Variants in SOS1 observed in about 807,000 individuals in gnomAD.
The protein encoded by SOS1 is son of sevenless homolog 1.
Under a neutral mutation model 157.6 loss-of-function variants are expected in SOS1, and 25 were observed. That is an observed-to-expected ratio of 0.16 (90% CI 0.12 to 0.22). The LOEUF is 0.22. Ranked by LOEUF, SOS1 falls within the 10% of genes least tolerant of loss-of-function variation. The pLI is 1.00. For synonymous variants in SOS1, 528 were observed against 534.0 expected, an observed-to-expected ratio of 0.99 and a Z score of 0.16; for missense variants, 1,237 against 1,599.1, an observed-to-expected ratio of 0.77 and a Z score of 3.86.
upstream of SOS1, among the ~76,000 whole-genome samples, chr2:39,121,383 C>G (rs1673890273): frequency 6.6e-6 from 1 of 152,196 alleles, no homozygotes; most frequent in South Asian, 2.1e-4. Flanking sequence ...AAGATAAGGA[C>G]TGCCCAGAGC....
chr2:39,080,117 A>C (rs1302428798), intron 1 of SOS1, among the ~76,000 whole-genome samples: 1 of 151,996 alleles, frequency 6.6e-6, no homozygotes, highest in Admixed American at 6.6e-5. Flanking sequence ...ATAATTATAC[A>C]ACTCACCATA....
chr2:39,027,616 T>A (rs972862761), intron 8 of SOS1, among the ~76,000 whole-genome samples: 1 of 152,232 alleles, frequency 6.6e-6, no homozygotes, highest in Non-Finnish European at 1.5e-5. Context: ...GCAATTAGTA[T>A]GTAAATGAGA....
intron 1 of SOS1, among the ~76,000 whole-genome samples, chr2:39,090,153 A>C (rs1343742704): frequency 2.0e-5 from 3 of 151,940 alleles, no homozygotes; most frequent in East Asian, 1.9e-4. Flanking sequence ...AAAAAAAAAA[A>C]AAAACACTCT....
chr2:38,992,113 TTC>T (rs1668752600), intron 20 of SOS1, among the ~76,000 whole-genome samples: 2 of 152,190 alleles, frequency 1.3e-5, no homozygotes, highest in African/African-American at 4.8e-5. Context: ...GAAATAGGTA[TTC>T]ACTCTGGTGG....
rs964147072 is a variant in SOS1, at chr2:38,983,620, G to A, written c.*2204C>T. 2 of 152,158 alleles carry A rather than the reference G, an allele frequency of 1.3e-5. No individual in the cohort carries two copies. The highest frequency in any genetic ancestry group is 6.6e-5 in the Admixed American group (1 of 15,264). The allele number at this position is 152,158 out of a possible 1,614,324, so 9.4% of individuals were successfully genotyped here. A position where few individuals can be genotyped will look rare whatever the true frequency, so the allele number is the denominator to read the frequency against. The stretch of plus-strand genomic sequence containing the variant: ...ATTAGCCGAAGACATACTGAAGGGG[G>A]TCCAATGTGACTTTTACCAGGTTCT... On this transcript the variant is annotated 3_prime_UTR_variant, in exon 23 of 23. Coordinates refer to ENST00000402219, the MANE Select transcript of SOS1 (RefSeq NM_005633.4).
At chr2:39,016,560 A>C (rs1446182842) in intron 10 of SOS1, among the ~76,000 whole-genome samples, 1 of 152,076 alleles carries the variant, frequency 6.6e-6, no homozygotes, top group Non-Finnish European at 1.5e-5. Context: ...ATCTATTTGT[A>C]AGGTGAGGCT....
chr2:39,112,117 T>C (rs546909412), intron 1 of SOS1, among the ~76,000 whole-genome samples: 1 of 152,070 alleles, frequency 6.6e-6, no homozygotes, highest in Non-Finnish European at 1.5e-5. Context: ...TAATTTTTCT[T>C]CCAATCCATT....
chr2:39,061,819 A>G (rs745707161), intron 2 of SOS1, among the ~76,000 whole-genome samples: 2 of 152,218 alleles, frequency 1.3e-5, no homozygotes, highest in Admixed American at 1.3e-4. Flanking sequence ...ATCTTGATTA[A>G]TATCTAGTAC....
In SOS1 at chr2:38,985,416, G is replaced by A. The variant is rs1572795423; in HGVS notation, c.*408C>T. ...AACAAAGGAAGATATTAAGATCCCT[G>A]TTTAAGTTTTTTTTTTTAAAAGTGC... is the stretch of plus-strand genomic sequence containing the variant. On this transcript the variant is annotated 3_prime_UTR_variant, in exon 23 of 23. Coordinates refer to ENST00000402219, the MANE Select transcript of SOS1 (RefSeq NM_005633.4). The A allele has an allele frequency of 1.4e-5, 1 of 71,650 alleles. No homozygotes were observed. Among genetic ancestry groups the A allele is most frequent in the East Asian group, 1.9e-4 (1 of 5,202 alleles). 4.4% of individuals were successfully genotyped at this position (71,650 alleles called of 1,614,324 possible). A position where few individuals can be genotyped will look rare whatever the true frequency, so the allele number is the denominator to read the frequency against.
chr2:39,114,389 T>C (rs907585612), intron 1 of SOS1, among the ~76,000 whole-genome samples: 1 of 151,870 alleles, frequency 6.6e-6, no homozygotes, highest in African/African-American at 2.4e-5. Flanking sequence ...CCATAACCTC[T>C]GCCTCCTGGG....
chr2:39,037,905 GACC>G (rs1487800370), intron 6 of SOS1, among the ~76,000 whole-genome samples: 2 of 151,222 alleles, frequency 1.3e-5, no homozygotes, highest in Non-Finnish European at 2.9e-5. Flanking sequence ...CCACTATTGA[GACC>G]AACAGCTCAG....
At chr2:39,093,703 A>G (rs1233596675) in intron 1 of SOS1, among the ~76,000 whole-genome samples, 2 of 152,214 alleles carry the variant, frequency 1.3e-5, no homozygotes, top group Admixed American at 1.3e-4. Flanking sequence ...AGAGCTGGAG[A>G]TGAGATCAGA....
intron 5 of SOS1, 72 bp from the exon 6 acceptor site, chr2:39,051,359 A>C: frequency 1.4e-6 from 2 of 1,389,720 alleles, no homozygotes; most frequent in Non-Finnish European, 2.0e-6. Context: ...TGAGCCAATA[A>C]GTCATTTTAT....
chr2:39,023,936 G>C (rs1470402187), intron 9 of SOS1, 74 bp downstream of exon 9: 1 of 1,029,710 alleles, frequency 9.7e-7, no homozygotes. Flanking sequence ...TACTTGAGGA[G>C]GGAACTGGGA....
At chr2:39,113,351 T>C (rs1001063241) in intron 1 of SOS1, among the ~76,000 whole-genome samples, 3 of 150,308 alleles carry the variant, frequency 2.0e-5, no homozygotes, top group African/African-American at 7.3e-5. Flanking sequence ...CCACCATACC[T>C]GTCTTCTTTT....
upstream of SOS1, among the ~76,000 whole-genome samples, chr2:39,123,814 G>A (rs1673980104): frequency 6.6e-6 from 1 of 152,204 alleles, no homozygotes; most frequent in African/African-American, 2.4e-5. Context: ...GTTGTTTCCA[G>A]AAAACGGGCG....
chr2:39,068,795 T>C (rs1377376383), intron 1 of SOS1, among the ~76,000 whole-genome samples: 1 of 152,176 alleles, frequency 6.6e-6, no homozygotes. Context: ...TCTGTAAAGC[T>C]TGCATGTTAA....
chr2:38,993,876 G>A (rs781512662), intron 20 of SOS1: 7 of 152,226 alleles, frequency 4.6e-5, no homozygotes, highest in Non-Finnish European at 8.8e-5. Context: ...AAATGGTCAT[G>A]AAAGAGTTAA....
rs1250543199 is a variant in SOS1 at position 39,012,283 on chromosome 2, C to T, written c.2233G>A (p.Asp745Asn). 2 of 1,613,486 alleles carry T rather than the reference C, an allele frequency of 1.2e-6. No homozygotes were observed. The highest frequency in any genetic ancestry group is 2.2e-5 in the South Asian group (2 of 91,052). The change falls in exon 14 of 23, where the codon GAC becomes AAC. Residue 745 changes from aspartate (D) to asparagine (N), a missense_variant. By Grantham distance (23) the Asp-to-Asn change is conservative. Coordinates refer to ENST00000402219, the MANE Select transcript of SOS1 (RefSeq NM_005633.4). Reference protein sequence around the residue: ...KIIQRKKIARDNGPGHNITFQ... With the variant: ...KIIQRKKIARNNGPGHNITFQ... The stretch of plus-strand genomic sequence containing the variant: ...GTAATATTATGACCTGGTCCATTGT[C>T]TCTTGCAATTTTTTTCCTTTGGATT...
Sources: allele counts gnomAD v4.1 joint callset (sites outside exome capture counted in the v4.1 genomes callset), GRCh38; gene constraint gnomAD v4.1.1; transcripts MANE v1.5; gene names NCBI Gene and HGNC (gene_info 2026-07-23, HGNC 2026-07-21).